Variants in PDK3 observed in about 807,000 individuals in gnomAD.
PDK3 encodes pyruvate dehydrogenase kinase, isozyme 3.
PDK3 carries 12 observed loss-of-function variants against 32.0 expected under a neutral mutation model. The observed-to-expected ratio is 0.37, with a 90% CI of 0.24 to 0.61. The LOEUF (loss-of-function observed/expected upper bound fraction) is 0.61. Ranked by LOEUF, PDK3 falls within the 20% of genes least tolerant of loss-of-function variation. PDK3 has a pLI of 0.65. For missense variants in PDK3, 188 were observed against 316.9 expected (o/e 0.59, Z 3.09); for synonymous variants, 122 against 116.3 (o/e 1.05, Z -0.31).
chrX:24,470,373 T>G (rs1261840139), intron 1 of PDK3, among the ~76,000 whole-genome samples: 1 of 111,592 alleles, frequency 9.0e-6, no homozygotes, highest in East Asian at 2.8e-4. Flanking sequence ...AGAGTCCATT[T>G]TGATATATTT....
At chrX:24,533,148 T>G (rs1394245714) in intron 10 of PDK3, among the ~76,000 whole-genome samples, 3 of 104,981 alleles carry the variant, frequency 2.9e-5, no homozygotes, top group Non-Finnish European at 3.9e-5. Context: ...TCTTTTTTTT[T>G]TTTTTTGAGA....
Position 24,498,918 on chromosome X carries a change from T to G in PDK3, c.320+18T>G. ...TTGGATAAGTAAGTATGGTACCACT[T>G]AGCTGAAAGTAAAAATATCTAGGTA... On this transcript the variant is annotated intron_variant, in intron 3 of 10. Transcript: ENST00000379162. The G allele has an allele frequency of 1.0e-6, 1 of 961,809 alleles. No individual in the cohort carries two copies. The highest frequency in any genetic ancestry group is 1.4e-6 in the Non-Finnish European group (1 of 702,121). 79.3% of individuals were successfully genotyped at this position (961,809 alleles called of 1,213,427 possible).
chrX:24,521,813 T>C (rs990023773), intron 6 of PDK3, among the ~76,000 whole-genome samples: 9 of 112,039 alleles, frequency 8.0e-5, no homozygotes, highest in Non-Finnish European at 1.9e-5. Context: ...CTTTCGATCA[T>C]GTTTTGAAGC....
At chrX:24,500,083 A>G (rs932242257) in intron 3 of PDK3, among the ~76,000 whole-genome samples, 7 of 111,824 alleles carry the variant, frequency 6.3e-5, no homozygotes, top group South Asian at 3.7e-4. Context: ...CTGTAGCTCC[A>G]AATTTTAGAA....
chrX:24,498,822 C>A lies in PDK3; in HGVS notation c.249-7C>A. 1.9e-6 allele frequency: 2 copies of A among 1,047,113 alleles called. No homozygotes were observed. The highest frequency in any genetic ancestry group is 2.6e-6 in the Non-Finnish European group (2 of 778,190). The allele number at this position is 1,047,113 out of a possible 1,213,427, so 86.3% of individuals were successfully genotyped here. ...CTCTTCTTTTTCTTTTTTTTTTTTC[C>A]TTTTAGGTATATGCAGAGTTTTCTT... On this transcript the variant is annotated splice_region_variant and splice_polypyrimidine_tract_variant and intron_variant, in intron 2 of 10. Transcript: ENST00000379162.
intron 1 of PDK3, among the ~76,000 whole-genome samples, chrX:24,485,893 C>T (rs1209662980): frequency 1.8e-5 from 2 of 111,380 alleles, no homozygotes; most frequent in Admixed American, 9.5e-5. Context: ...AAGCCTACAG[C>T]GAGAAAGAGA....
At chrX:24,504,736 A>T (rs1165810032) in intron 4 of PDK3, among the ~76,000 whole-genome samples, 1 of 112,330 alleles carries the variant, frequency 8.9e-6, no homozygotes, top group Non-Finnish European at 1.9e-5. Flanking sequence ...TGTGTACACA[A>T]CATTGAAACA....
At chrX:24,511,232 T>G (rs5986548) in intron 5 of PDK3, among the ~76,000 whole-genome samples, 3,080 of 112,543 alleles carry the variant, frequency 0.027, 64 homozygotes, top group South Asian at 0.21. Context: ...CTTAGTGAAG[T>G]CTTACTGTTG....
At chrX:24,548,837 G>A (rs1444872825) in exon 12 of PDK3, 1 of 112,022 alleles carries the variant, frequency 8.9e-6, no homozygotes, top group African/African-American at 3.2e-5. Context: ...AGTCAGTGGT[G>A]TCCGCCATTG....
chrX:24,468,522 GA>G (rs895735556), intron 1 of PDK3, among the ~76,000 whole-genome samples: 10 of 112,078 alleles, frequency 8.9e-5, no homozygotes, highest in Non-Finnish European at 1.5e-4. Flanking sequence ...CTCATACTCT[GA>G]ATTTTTGTTG....
At chrX:24,529,874 C>T (rs1922610742) in intron 9 of PDK3, among the ~76,000 whole-genome samples, 1 of 112,126 alleles carries the variant, frequency 8.9e-6, no homozygotes, top group Non-Finnish European at 1.9e-5. Flanking sequence ...ACTTTTACAC[C>T]TTTTACACCT....
downstream of PDK3, among the ~76,000 whole-genome samples, chrX:24,538,576 C>T (rs1053631557): frequency 2.9e-4 from 32 of 111,324 alleles, no homozygotes; most frequent in Non-Finnish European, 7.5e-5. Context: ...GTCAGAAGTT[C>T]AAGACCAGCC....
intron 5 of PDK3, 141 bp downstream of exon 5, chrX:24,505,439 T>G (rs755938347): frequency 1.2e-5 from 5 of 407,238 alleles, no homozygotes; most frequent in Non-Finnish European, 2.1e-5. Context: ...TGGATCCAGA[T>G]GAAATGTTCT....
chrX:24,493,110 C>G (rs946469562), intron 1 of PDK3, among the ~76,000 whole-genome samples: 9 of 111,640 alleles, frequency 8.1e-5, no homozygotes, highest in African/African-American at 2.0e-4. Flanking sequence ...CACCCCTTCT[C>G]CTCTTACTTG....
At chrX:24,519,105 C>G in intron 6 of PDK3, 95 bp downstream of exon 6, 4 of 523,405 alleles carry the variant, frequency 7.6e-6, no homozygotes, top group Non-Finnish European at 1.3e-5. Flanking sequence ...AAAAATTATA[C>G]TGATTTTTCA....
intron 5 of PDK3, among the ~76,000 whole-genome samples, chrX:24,515,595 G>T (rs1349344699): frequency 8.9e-6 from 1 of 111,952 alleles, no homozygotes; most frequent in East Asian, 2.8e-4. Context: ...TTAGGTTTCA[G>T]TGCTTGTGAT....
Position 24,550,297 on chromosome X carries a change from G to T in PDK3, c.*11133G>T, listed in dbSNP as rs775155753. 5.4e-5 allele frequency: 6 copies of T among 111,991 alleles called. No individual in the cohort carries two copies. The East Asian group carries it at 1.7e-3, about 31-fold the overall frequency. The allele number at this position is 111,991 out of a possible 1,213,427, so 9.2% of individuals were successfully genotyped here. On this transcript the variant is annotated 3_prime_UTR_variant, in exon 12 of 12. Transcript: ENST00000568479. ...CACTCCACATTCCATGGAGAAAAGTGTTTCATTTTGATGTTGGAAAAACAT... is the reference window on the plus strand; with the variant it reads ...CACTCCACATTCCATGGAGAAAAGTTTTTCATTTTGATGTTGGAAAAACAT...
At position 24,527,629 on chromosome X, in the gene PDK3, C is replaced by T; in HGVS notation, c.806C>T (p.Ala269Val). The part of the protein sequence containing the change: ...LYEDRKEGYP[A>V]VKTLVTLGKE... Reference sequence around the variant, plus strand: ...GAAGACAGAAAAGAGGGCTACCCTGCTGTTAAAACCCTCGTTACTTTGGGT... The same window carrying T: ...GAAGACAGAAAAGAGGGCTACCCTGTTGTTAAAACCCTCGTTACTTTGGGT... The change falls in exon 8 of 11, where the codon GCT becomes GTT. Residue 269 changes from alanine (A) to valine (V), a missense_variant. Physicochemically the swap from Ala to Val is moderately conservative, Grantham distance 64 (BLOSUM62 0). Coordinates refer to ENST00000379162, the MANE Select transcript of PDK3 (RefSeq NM_005391.5). 8.4e-7 allele frequency: 1 copy of T among 1,191,488 alleles called. No individual in the cohort carries two copies. Among genetic ancestry groups the T allele is most frequent in the Non-Finnish European group, 1.1e-6 (1 of 879,397 alleles).
intron 2 of PDK3, 28 bp downstream of exon 2, chrX:24,494,911 A>C: frequency 8.6e-7 from 1 of 1,168,387 alleles, no homozygotes; most frequent in Non-Finnish European, 1.2e-6. Flanking sequence ...CTTAAAATGG[A>C]TCTTCCCACA....
Sources: allele counts gnomAD v4.1 joint callset (sites outside exome capture counted in the v4.1 genomes callset), GRCh38; gene constraint gnomAD v4.1.1; transcripts MANE v1.5; gene names NCBI Gene and HGNC (gene_info 2026-07-23, HGNC 2026-07-21).